RRN3: variants seen among roughly 807,000 people sequenced by gnomAD.
RRN3 encodes the protein RNA polymerase I-specific transcription initiation factor RRN3.
Under a neutral mutation model 82.3 loss-of-function variants are expected in RRN3, and 38 were observed. The observed-to-expected ratio is 0.46, with a 90% CI of 0.36 to 0.61. RRN3 has a LOEUF of 0.61. Ranked by LOEUF, RRN3 falls within the 20% of genes least tolerant of loss-of-function variation. The pLI is 0.00. For synonymous variants in RRN3, 284 were observed against 284.3 expected, an observed-to-expected ratio of 1.00 and a Z score of 0.01; for missense variants, 726 against 793.1, an observed-to-expected ratio of 0.92 and a Z score of 1.02.
intron 15 of RRN3, among the ~76,000 whole-genome samples, chr16:15,066,069 C>T (rs2044956862): frequency 6.6e-6 from 1 of 152,218 alleles, no homozygotes; most frequent in African/African-American, 2.4e-5. Flanking sequence ...ACTCAGATCT[C>T]ACTTCTGTCA....
At chr16:15,068,116 C>G in intron 15 of RRN3, 53 bp downstream of exon 15, 1 of 1,496,738 alleles carries the variant, frequency 6.7e-7, no homozygotes. Context: ...ACTAGATAAA[C>G]ATAAATAAAA....
chr16:15,061,735 T>C lies in RRN3; in HGVS notation c.*9A>G, dbSNP rs1191996379. 14 of 1,601,998 alleles carry C rather than the reference T, an allele frequency of 8.7e-6. No individual in the cohort carries two copies. Among genetic ancestry groups the C allele is most frequent in the Middle Eastern group, 3.4e-4 (2 of 5,826 alleles). ...CCAAATGTCACATCTCAGTCACAAA[T>C]TTCTGCCGTCAGAGGGGACTGGGTT... On this transcript the variant is annotated 3_prime_UTR_variant, in exon 18 of 18. Transcript: ENST00000198767.
intron 11 of RRN3, among the ~76,000 whole-genome samples, chr16:15,074,208 T>C (rs1456834752): frequency 6.6e-6 from 1 of 152,218 alleles, no homozygotes; most frequent in Non-Finnish European, 1.5e-5. Context: ...TCAACTCAGA[T>C]TCCAGTTCTA....
intron 2 of RRN3, among the ~76,000 whole-genome samples, chr16:15,092,002 C>T (rs1337287288): frequency 1.3e-5 from 2 of 152,040 alleles, no homozygotes; most frequent in Non-Finnish European, 2.9e-5. Context: ...CATGGTGAAA[C>T]CCTGCCTCTA....
chr16:15,075,820 G>T (rs1004485483), intron 10 of RRN3, among the ~76,000 whole-genome samples: 1 of 152,070 alleles, frequency 6.6e-6, no homozygotes, highest in Non-Finnish European at 1.5e-5. Flanking sequence ...CCTTTTGCAG[G>T]TCGGGATATC....
At chr16:15,069,640 G>A (rs180738012) in intron 14 of RRN3, among the ~76,000 whole-genome samples, 1 of 152,298 alleles carries the variant, frequency 6.6e-6, no homozygotes, top group Non-Finnish European at 1.5e-5. Flanking sequence ...CTAACCATGT[G>A]ATCTTGGGAA....
intron 12 of RRN3, 106 bp from the exon 13 acceptor site, chr16:15,071,357 A>G: frequency 9.7e-6 from 10 of 1,029,432 alleles, no homozygotes; most frequent in Non-Finnish European, 1.4e-5. Flanking sequence ...AAGTTCTACT[A>G]TCTCATAACT....
intron 16 of RRN3, among the ~76,000 whole-genome samples, chr16:15,064,526 G>A (rs1854101496): frequency 6.6e-6 from 1 of 152,174 alleles, no homozygotes; most frequent in African/African-American, 2.4e-5. Context: ...GTGGTCTCTA[G>A]AGGAAGGAAC....
At chr16:15,083,202 C>A (rs1030004998) in intron 8 of RRN3, among the ~76,000 whole-genome samples, 2 of 152,228 alleles carry the variant, frequency 1.3e-5, no homozygotes, top group African/African-American at 4.8e-5. Flanking sequence ...CGTTCGATAC[C>A]AGTGTGGCCA....
At chr16:15,093,943 C>A (rs996494094) in intron 1 of RRN3, 16 of 602,988 alleles carry the variant, frequency 2.7e-5, no homozygotes, top group Non-Finnish European at 4.4e-5. Flanking sequence ...GAACAGAGAA[C>A]ATAGTCACTT....
chr16:15,063,965 T>C (rs1567184632), intron 16 of RRN3, among the ~76,000 whole-genome samples: 2 of 152,128 alleles, frequency 1.3e-5, no homozygotes, highest in African/African-American at 2.4e-5. Context: ...TCTGTAGTAA[T>C]TTGCTGAAAA....
rs954105716 is a variant in RRN3 at position 15,061,599 on chromosome 16, C to T, written c.*145G>A. On this transcript the variant is annotated 3_prime_UTR_variant, in exon 18 of 18. Coordinates refer to ENST00000198767, the MANE Select transcript of RRN3 (RefSeq NM_018427.5). ...AAACCCAGTCTTCAGATGCTTGATT[C>T]AGTCGAACCTGGAAGTGCCACAGCC... 9 of 620,050 alleles carry T rather than the reference C, an allele frequency of 1.5e-5. No homozygotes were observed. Among genetic ancestry groups the T allele is most frequent in the Non-Finnish European group, 2.2e-5 (8 of 367,192 alleles). 38.4% of individuals were successfully genotyped at this position (620,050 alleles called of 1,614,324 possible).
At chr16:15,080,177 G>A in intron 8 of RRN3, 81 bp from the exon 9 acceptor site, 2 of 1,475,206 alleles carry the variant, frequency 1.4e-6, no homozygotes, top group Non-Finnish European at 1.8e-6. Context: ...TCAATTACAT[G>A]ACCTTTAGTT....
At chr16:15,072,525 G>T (rs903501557) in intron 12 of RRN3, among the ~76,000 whole-genome samples, 4 of 152,246 alleles carry the variant, frequency 2.6e-5, no homozygotes, top group Admixed American at 1.3e-4. Flanking sequence ...ACGTGGGCCA[G>T]GCACAGTTGT....
intron 15 of RRN3, among the ~76,000 whole-genome samples, chr16:15,066,358 C>T (rs1465910295): frequency 2.0e-5 from 3 of 152,158 alleles, no homozygotes; most frequent in Non-Finnish European, 4.4e-5. Context: ...GCCGGCTGGG[C>T]ACGGTGGCTC....
chr16:15,066,141 C>T (rs2044959976), intron 15 of RRN3, among the ~76,000 whole-genome samples: 1 of 152,156 alleles, frequency 6.6e-6, no homozygotes, highest in Admixed American at 6.5e-5. Context: ...TGATTTCTGT[C>T]CTGTTAGCCA....
intron 14 of RRN3, among the ~76,000 whole-genome samples, 196 bp from the exon 15 acceptor site, chr16:15,068,473 C>T (rs573574650): frequency 2.1e-4 from 32 of 152,278 alleles, no homozygotes; most frequent in African/African-American, 6.5e-4. Context: ...TAACCACATT[C>T]ATTGGTCACC....
chr16:15,083,904 C>T (rs536899172), intron 7 of RRN3, among the ~76,000 whole-genome samples: 4 of 152,116 alleles, frequency 2.6e-5, no homozygotes, highest in Non-Finnish European at 5.9e-5. Context: ...TTAGTAGAGA[C>T]GGGGTTTCTC....
intron 1 of RRN3, among the ~76,000 whole-genome samples, chr16:15,093,247 G>A (rs1422496731): frequency 7.9e-5 from 12 of 152,242 alleles, no homozygotes; most frequent in African/African-American, 2.9e-4. Flanking sequence ...CAGATGATCC[G>A]CCCGCCTCGG....
Sources: allele counts gnomAD v4.1 joint callset (sites outside exome capture counted in the v4.1 genomes callset), GRCh38; gene constraint gnomAD v4.1.1; transcripts MANE v1.5; gene names NCBI Gene and HGNC (gene_info 2026-07-23, HGNC 2026-07-21).